The following DNAH6 variants were observed in gnomAD, a reference collection of about 807,000 sequenced individuals.
DNAH6 encodes the protein axonemal beta dynein heavy chain 6.
DNAH6 carries 340 observed loss-of-function variants against 491.4 expected under a neutral mutation model. The ratio of observed to expected loss-of-function variants is 0.69; its 90% CI spans 0.63 to 0.76. The LOEUF (loss-of-function observed/expected upper bound fraction) is 0.76. DNAH6 is among the 30% of genes least tolerant of loss of function. The probability of loss-of-function intolerance (pLI) is 0.00; values close to 1 mark genes in which losing one functional copy is unlikely to be tolerated. For synonymous variants in DNAH6, 1,603 were observed against 1,686.1 expected, an observed-to-expected ratio of 0.95 and a Z score of 1.21; for missense variants, 4,443 against 4,972.2, an observed-to-expected ratio of 0.89 and a Z score of 3.20.
chr2:84,548,455 C>T (rs547217422), intron 8 of DNAH6, 38 bp downstream of exon 8: 2 of 1,607,636 alleles, frequency 1.2e-6, no homozygotes, highest in African/African-American at 1.3e-5. Context: ...ATTGTAGTAC[C>T]CATCTTAAGC....
At chr2:84,587,935 T>C (rs1305506686) in intron 15 of DNAH6, among the ~76,000 whole-genome samples, 1 of 152,304 alleles carries the variant, frequency 6.6e-6, no homozygotes, top group African/African-American at 2.4e-5. Context: ...CCTGGTTCTT[T>C]AGGCACCATG....
At chr2:84,587,446 T>C (rs1683675866) in intron 15 of DNAH6, among the ~76,000 whole-genome samples, 1 of 152,222 alleles carries the variant, frequency 6.6e-6, no homozygotes, top group South Asian at 2.1e-4. Flanking sequence ...TTAAATAGCA[T>C]GATGCACTTA....
chr2:84,816,947 C>A (rs1230242803), intron 76 of DNAH6, among the ~76,000 whole-genome samples: 1 of 151,884 alleles, frequency 6.6e-6, no homozygotes, highest in African/African-American at 2.4e-5. Context: ...GTGGAAGGAG[C>A]CAGAAATTGC....
In DNAH6 at chr2:84,705,540, G is replaced by A; in HGVS notation, c.8520G>A (p.Arg2840=). 6.4e-7 allele frequency: 1 copy of A among 1,550,950 alleles called. No homozygotes were observed. Among genetic ancestry groups the A allele is most frequent in the Non-Finnish European group, 8.7e-7 (1 of 1,146,616 alleles). Residue 2840 remains arginine (R), a synonymous_variant, in exon 52 of 77, where the codon AGG becomes AGA. Transcript: ENST00000389394. ...QLLGDSNFLK[R]LLEYDKENIK... is the part of the protein sequence containing the mutation. ...TTGGTGACTCTAACTTTCTAAAAAG[G>A]CTTTTAGAATATGATAAGGAGAACA...
Position 84,701,317 on chromosome 2 carries a change from A to G in DNAH6, c.8039A>G (p.Glu2680Gly). The change falls in exon 49 of 77, where the codon GAA (glutamate) becomes GGA (glycine). Residue 2680 changes from glutamate to glycine, a missense_variant. Coordinates refer to ENST00000389394, the MANE Select transcript of DNAH6 (RefSeq NM_001370.2). Reference protein sequence around the residue: ...LINLYLSMLSEKRKQIISARD... With the variant: ...LINLYLSMLSGKRKQIISARD... The stretch of plus-strand genomic sequence containing the variant: ...AATCTTTACCTGTCTATGCTGTCTG[A>G]AAAAAGGAAGCAGATTATTTCAGTA... 6.5e-7 allele frequency: 1 copy of G among 1,549,868 alleles called. No individual in the cohort carries two copies. The highest frequency in any genetic ancestry group is 8.7e-7 in the Non-Finnish European group (1 of 1,145,686).
intron 63 of DNAH6, among the ~76,000 whole-genome samples, chr2:84,747,493 G>T (rs1359433069): frequency 6.6e-6 from 1 of 152,232 alleles, no homozygotes; most frequent in African/African-American, 2.4e-5. Flanking sequence ...GGTGCAAAGT[G>T]TGGGCTCCCA....
intron 35 of DNAH6, among the ~76,000 whole-genome samples, chr2:84,656,155 G>T (rs972462857): frequency 1.3e-5 from 2 of 151,968 alleles, no homozygotes; most frequent in Admixed American, 6.6e-5. Flanking sequence ...TTTAGCATTG[G>T]ATAATATTTT....
intron 21 of DNAH6, 145 bp downstream of exon 21, chr2:84,607,240 A>C (rs1685860194): frequency 1.2e-6 from 1 of 826,758 alleles, no homozygotes; most frequent in Admixed American, 2.7e-5. Context: ...TTAGAATGTA[A>C]GGGAAATGCA....
rs751596612 is a variant in DNAH6, at chr2:84,557,751, C to T, written c.1619C>T (p.Ala540Val). ...CTTTAACAGGATGGTATTTTGGGTG[C>T]AGTTAATCACTGTCAAAACACTGTG... is the stretch of plus-strand genomic sequence containing the variant. ...LEDFLDGILG[A>V]VNHCQNTVLS... The change falls in exon 11 of 77, where the codon GCA becomes GTA. Residue 540 changes from alanine to valine, a missense_variant. Ala to Val is a moderately conservative substitution (Grantham distance 64). Coordinates refer to ENST00000389394, the MANE Select transcript of DNAH6 (RefSeq NM_001370.2). The T allele has an allele frequency of 1.3e-6, 2 of 1,571,800 alleles. No individual in the cohort carries two copies. The highest frequency in any genetic ancestry group is 1.1e-5 in the South Asian group (1 of 88,638).
intron 65 of DNAH6, among the ~76,000 whole-genome samples, chr2:84,783,137 GA>G (rs377007382): frequency 1.3e-5 from 2 of 151,650 alleles, no homozygotes; most frequent in South Asian, 2.1e-4. Flanking sequence ...GGAAGAAAAA[GA>G]AAAAAAACAA....
chr2:84,595,598 T>G, intron 17 of DNAH6, 48 bp from the exon 18 acceptor site: 4 of 1,477,128 alleles, frequency 2.7e-6, no homozygotes, highest in Non-Finnish European at 3.6e-6. Flanking sequence ...AACCTGACTT[T>G]TACTTTATGT....
In DNAH6 at chr2:84,796,429, A is replaced by G; in HGVS notation, c.11359+4A>G. On this transcript the variant is annotated splice_donor_region_variant and intron_variant, in intron 69 of 76. Coordinates refer to ENST00000389394, the MANE Select transcript of DNAH6 (RefSeq NM_001370.2). ...GATTATAAATACTCTGAATCAGGTG[A>G]ATGACTTTTCAATATTACAGAAAAG... is the stretch of plus-strand genomic sequence containing the variant. 6.6e-7 allele frequency: 1 copy of G among 1,506,802 alleles called. No homozygotes were observed. Among genetic ancestry groups the G allele is most frequent in the Non-Finnish European group, 8.9e-7 (1 of 1,125,118 alleles). The allele number at this position is 1,506,802 out of a possible 1,614,324, so 93.3% of individuals were successfully genotyped here. A position where few individuals can be genotyped will look rare whatever the true frequency, so the allele number is the denominator to read the frequency against.
intron 7 of DNAH6, among the ~76,000 whole-genome samples, chr2:84,548,077 A>C (rs1334192049): frequency 6.6e-6 from 1 of 152,224 alleles, no homozygotes; most frequent in Non-Finnish European, 1.5e-5. Context: ...GTTAATGAGA[A>C]TGTCAGTAAA....
rs1553438141 is a variant in DNAH6 at position 84,598,188 on chromosome 2, T to TTTCTTTTC, written c.2868+2401_2868+2402insCTTTTCTT. Among the ~76,000 whole-genome samples the TTTCTTTTC allele has an allele frequency of 2.8e-4, 37 of 132,956 alleles. 1 individual carries two copies. In the South Asian group the frequency reaches 4.0e-3, roughly 14 times the overall value. The allele number at this position is 132,956 out of a possible 152,430, so 87.2% of individuals were successfully genotyped here. Reference sequence around the variant, plus strand: ...CTTTCTTTCTTTCTTTCTCTCTTTCTTTTCTTTCTTTCTTTCTTTCTATGA... The same window carrying TTTCTTTTC: ...CTTTCTTTCTTTCTTTCTCTCTTTCTTTCTTTTCTTTCTTTCTTTCTTTCTTTCTATGA... On this transcript the variant is annotated intron_variant, in intron 18 of 76. Transcript: ENST00000389394.
At chr2:84,612,422 T>A (rs1385102628) in intron 22 of DNAH6, among the ~76,000 whole-genome samples, 1 of 152,090 alleles carries the variant, frequency 6.6e-6, no homozygotes, top group African/African-American at 2.4e-5. Context: ...ATGCTTAAAG[T>A]AAAAGCCTTG....
In DNAH6 at chr2:84,718,214, C is replaced by T. The variant is rs963741779; in HGVS notation, c.9622C>T (p.Arg3208Ter). ...GAACTTTGGTTTTAGTGATGTGGTG[C>T]GACTTGAAAAACCCAGGTTGGAAGA... is the stretch of plus-strand genomic sequence containing the variant. ...LEDQLLSDVV[R>*]LEKPRLEEQR... Residue 3208 changes from arginine (R) to a stop codon, truncating the protein, a stop_gained, in exon 59 of 77, where the codon CGA (arginine) becomes TGA (stop). Coordinates refer to ENST00000389394, the MANE Select transcript of DNAH6 (RefSeq NM_001370.2). LOFTEE classifies it high-confidence loss of function. The T allele has an allele frequency of 3.4e-5, 52 of 1,528,306 alleles. No individual in the cohort carries two copies. Among genetic ancestry groups the T allele is most frequent in the Non-Finnish European group, 4.1e-5 (47 of 1,137,260 alleles). The allele number at this position is 1,528,306 out of a possible 1,614,324, so 94.7% of individuals were successfully genotyped here. A position where few individuals can be genotyped will look rare whatever the true frequency, so the allele number is the denominator to read the frequency against.
At chr2:84,480,110 C>T in the DNAH6 span, among the ~76,000 whole-genome samples, 11 of 152,240 alleles carry the variant, frequency 7.2e-5, no homozygotes, top group East Asian at 1.9e-3. Flanking sequence ...CAAAGATGAG[C>T]CTTTACTTGA....
chr2:84,751,857 G>A (rs1006659308), intron 63 of DNAH6, among the ~76,000 whole-genome samples: 2 of 152,226 alleles, frequency 1.3e-5, no homozygotes, highest in African/African-American at 4.8e-5. Flanking sequence ...CCAAGAACCT[G>A]CATTTCTAAC....
rs1696209483 is a variant in DNAH6 at position 84,704,189 on chromosome 2, TA to T, written c.8355del (p.Ala2786HisfsTer5). On this transcript the variant is annotated frameshift_variant, in exon 51 of 77. Transcript: ENST00000389394. LOFTEE classifies it high-confidence loss of function. ...CACTACCTGCACTAGATGCTGCCAA[TA>T]AAGCACTGGATTCCTTAGATAAGGC... Reference protein sequence around the residue: ...EALPALDAANKALDSLDKADI... With the variant: ...EALPALDAANXALDSLDKADI... 1 of 1,552,030 alleles carries T rather than the reference TA, an allele frequency of 6.4e-7. No homozygotes were observed. Among genetic ancestry groups the T allele is most frequent in the Non-Finnish European group, 8.7e-7 (1 of 1,147,060 alleles).
Sources: gnomAD v4.1 joint callset for allele counts (sites outside exome capture counted in the v4.1 genomes callset) on GRCh38, gnomAD v4.1.1 for gene constraint, MANE v1.5 for transcripts, NCBI Gene and HGNC (gene_info 2026-07-23, HGNC 2026-07-21) for gene names.